PCM1: variants seen among roughly 807,000 people sequenced by gnomAD.
PCM1 encodes the protein pericentriolar material 1.
In PCM1, 157 loss-of-function variants were observed where a neutral mutation model predicts 241.9. The observed-to-expected ratio is 0.65, with a 90% CI of 0.57 to 0.74. The LOEUF (loss-of-function observed/expected upper bound fraction) is 0.74, where lower values mean the gene tolerates loss of function less well. Ranked by LOEUF, PCM1 falls within the 30% of genes least tolerant of loss-of-function variation. PCM1 has a pLI of 0.00. For missense variants in PCM1, 3,478 were observed against 2,360.1 expected (o/e 1.47, Z -9.81); for synonymous variants, 1,085 against 784.9 (o/e 1.38, Z -6.39).
chr8:17,995,543 C>G (rs759355546), intron 29 of PCM1, among the ~76,000 whole-genome samples: 1 of 151,296 alleles, frequency 6.6e-6, no homozygotes, highest in Non-Finnish European at 1.5e-5. Context: ...ATAGCTTTGG[C>G]TGTTCTGAGC....
chr8:18,029,470 C>T lies in PCM1; in HGVS notation c.*1808C>T, dbSNP rs1196790679. The T allele has an allele frequency of 1.4e-5, 3 of 216,364 alleles. No homozygotes were observed. Among genetic ancestry groups the T allele is most frequent in the East Asian group, 6.8e-5 (1 of 14,672 alleles). 13.4% of individuals were successfully genotyped at this position (216,364 alleles called of 1,614,324 possible). On this transcript the variant is annotated 3_prime_UTR_variant, in exon 39 of 39. Coordinates refer to ENST00000325083, the MANE Select transcript of PCM1 (RefSeq NM_006197.4). The stretch of plus-strand genomic sequence containing the variant: ...GGTAAAAACTGTTTTGGTACTCAAG[C>T]CCAGCCTTACATACTGTGTTTCTCT...
intron 23 of PCM1, 117 bp from the exon 24 acceptor site, chr8:17,980,474 C>A: frequency 1.4e-6 from 1 of 720,014 alleles, no homozygotes; most frequent in Admixed American, 2.8e-5. Flanking sequence ...TCTATTTATA[C>A]CAGGCCTTCC....
chr8:17,974,181 T>A (rs1311600878), intron 23 of PCM1, among the ~76,000 whole-genome samples: 1 of 152,220 alleles, frequency 6.6e-6, no homozygotes, highest in Non-Finnish European at 1.5e-5. Context: ...GTAAATTAAT[T>A]GGTAATCTGA....
At position 18,023,055 on chromosome 8, in the gene PCM1, CAG is replaced by C. The variant is rs528843625; in HGVS notation, c.5842-2302_5842-2301del. Among the ~76,000 whole-genome samples the C allele has an allele frequency of 6.2e-4, 94 of 152,272 alleles. 1 individual carries two copies. Among genetic ancestry groups the C allele is most frequent in the African/African-American group, 2.2e-3 (90 of 41,544 alleles). ...TGGCAGTGTGCAGATGCAGATATGA[CAG>C]AGAATAACCATGACAATCACATCAT... On this transcript the variant is annotated intron_variant, in intron 36 of 38. Coordinates refer to ENST00000325083, the MANE Select transcript of PCM1 (RefSeq NM_006197.4).
At chr8:17,977,387 TAGAG>T (rs1019272708) in intron 23 of PCM1, among the ~76,000 whole-genome samples, 1 of 152,116 alleles carries the variant, frequency 6.6e-6, no homozygotes, top group Non-Finnish European at 1.5e-5. Flanking sequence ...GCCTTGGAAA[TAGAG>T]AGGGAGGGCT....
At chr8:17,951,512 A>G (rs1232123695) in intron 8 of PCM1, among the ~76,000 whole-genome samples, 1 of 152,218 alleles carries the variant, frequency 6.6e-6, no homozygotes, top group African/African-American at 2.4e-5. Context: ...AAACAGCCCA[A>G]ATGTCCATCA....
At chr8:18,014,094 C>CT (rs2092855200) in intron 35 of PCM1, 58 bp downstream of exon 35, 3 of 804,364 alleles carry the variant, frequency 3.7e-6, no homozygotes, top group African/African-American at 2.6e-5. Flanking sequence ...TGCTTTAAAG[C>CT]TAAAAAAAAA....
intron 4 of PCM1, among the ~76,000 whole-genome samples, chr8:17,937,805 A>G (rs954049790): frequency 3.9e-5 from 6 of 152,202 alleles, no homozygotes; most frequent in African/African-American, 4.8e-5. Context: ...GTTTAGATCT[A>G]AAAACAAGTA....
In PCM1 at chr8:17,938,740, A is replaced by G. The variant is rs2061173389; in HGVS notation, c.343A>G (p.Arg115Gly). ...GATTTGATTTCTTTTTCATATATAG[A>G]GAAGCATTGGAAGTGATTCCCAAGG... Reference protein sequence around the residue: ...QRINFSDLDQRSIGSDSQGRA... With the variant: ...QRINFSDLDQGSIGSDSQGRA... Residue 115 changes from arginine (R) to glycine (G), a missense_variant and splice_region_variant, in exon 5 of 39, where the codon AGA becomes GGA. By Grantham distance (125) the Arg-to-Gly change is moderately radical (BLOSUM62 -2). Coordinates refer to ENST00000325083, the MANE Select transcript of PCM1 (RefSeq NM_006197.4). 1.9e-6 allele frequency: 3 copies of G among 1,607,032 alleles called. No homozygotes were observed. Among genetic ancestry groups the G allele is most frequent in the Admixed American group, 3.3e-5 (2 of 59,824 alleles).
At chr8:17,985,126 A>T (rs1371346031) in intron 24 of PCM1, among the ~76,000 whole-genome samples, 1 of 151,766 alleles carries the variant, frequency 6.6e-6, no homozygotes, top group African/African-American at 2.4e-5. Flanking sequence ...GTGTTGAAAG[A>T]TTTTCACTGA....
intron 17 of PCM1, 37 bp from the exon 18 acceptor site, chr8:17,964,531 C>G (rs2129469171): frequency 1.3e-6 from 2 of 1,531,480 alleles, no homozygotes; most frequent in South Asian, 1.2e-5. Flanking sequence ...TAACTTATCT[C>G]CAGAATGACA....
intron 31 of PCM1, among the ~76,000 whole-genome samples, chr8:18,010,136 C>T (rs2092261750): frequency 6.6e-6 from 1 of 152,184 alleles, no homozygotes; most frequent in Non-Finnish European, 1.5e-5. Flanking sequence ...TCCCAGTCAA[C>T]ACAAATGCTT....
At chr8:17,956,516 T>A (rs921792807) in intron 10 of PCM1, 88 bp from the exon 11 acceptor site, 3 of 801,450 alleles carry the variant, frequency 3.7e-6, no homozygotes, top group Middle Eastern at 7.2e-4. Context: ...AAATTTTGTT[T>A]CTGTTAGCTG....
chr8:17,945,213 A>G (rs1451845700), intron 6 of PCM1, among the ~76,000 whole-genome samples: 2 of 152,132 alleles, frequency 1.3e-5, no homozygotes, highest in African/African-American at 4.8e-5. Context: ...CTAATGATGT[A>G]AACTGTCTGG....
intron 23 of PCM1, among the ~76,000 whole-genome samples, chr8:17,979,121 C>G (rs208033): frequency 0.077 from 11,220 of 145,438 alleles, 610 homozygotes; most frequent in African/African-American, 0.16. Context: ...GAGACTCAGT[C>G]TCAAAAGAAA....
intron 26 of PCM1, 144 bp from the exon 27 acceptor site, chr8:17,989,715 T>A (rs2083850325): frequency 1.8e-6 from 1 of 558,008 alleles, no homozygotes; most frequent in South Asian, 3.2e-5. Context: ...TATATTATCA[T>A]CTTGTTTGGA....
In PCM1 at chr8:17,980,598, A is replaced by G; in HGVS notation, c.3951A>G (p.Glu1317=). ...LKSRVKNIRY[E]SASMSSTCEP... Reference sequence around the variant, plus strand: ...TCACTTTTTTTACTCAAGGGTATGAAAGTGCCAGTATGTCTAGCACATGTG... The same window carrying G: ...TCACTTTTTTTACTCAAGGGTATGAGAGTGCCAGTATGTCTAGCACATGTG... Residue 1317 remains glutamate, a synonymous_variant, in exon 24 of 39, where the codon GAA becomes GAG. Coordinates refer to ENST00000325083, the MANE Select transcript of PCM1 (RefSeq NM_006197.4). 2 of 1,590,678 alleles carry G rather than the reference A, an allele frequency of 1.3e-6. No individual in the cohort carries two copies. The highest frequency in any genetic ancestry group is 1.7e-6 in the Non-Finnish European group (2 of 1,171,362).
chr8:18,021,257 A>G (rs1426027564), intron 36 of PCM1, among the ~76,000 whole-genome samples: 1 of 152,172 alleles, frequency 6.6e-6, no homozygotes, highest in Non-Finnish European at 1.5e-5. Flanking sequence ...GCACTCTACA[A>G]ACCATCATGG....
intron 2 of PCM1, among the ~76,000 whole-genome samples, chr8:17,933,089 G>C (rs2059496148): frequency 6.6e-6 from 1 of 152,144 alleles, no homozygotes; most frequent in Admixed American, 6.5e-5. Flanking sequence ...AAATCTGTTA[G>C]CAAATTGTTG....
Sources: allele counts gnomAD v4.1 joint callset (sites outside exome capture counted in the v4.1 genomes callset), GRCh38; gene constraint gnomAD v4.1.1; transcripts MANE v1.5; gene names NCBI Gene and HGNC (gene_info 2026-07-23, HGNC 2026-07-21).